RFX4: variants seen among roughly 807,000 people sequenced by gnomAD.
RFX4 encodes the protein transcription factor RFX4.
A neutral mutation model predicts 95.0 loss-of-function variants in RFX4; 10 were observed. The observed-to-expected ratio is 0.11, with a 90% CI of 0.06 to 0.18. The LOEUF is 0.18. Ranked by LOEUF, RFX4 falls within the 10% of genes least tolerant of loss-of-function variation. RFX4 has a pLI of 1.00. For synonymous variants in RFX4, 321 were observed against 340.7 expected (o/e 0.94, Z 0.64); for missense variants, 640 against 922.0 (o/e 0.69, Z 3.96).
chr12:106,587,400 G>A lies in RFX4; in HGVS notation c.43+4037G>A, dbSNP rs577664024. 1.2e-3 allele frequency among the ~76,000 whole-genome samples: 176 copies of A among 152,272 alleles called. 2 individuals carry two copies. Among genetic ancestry groups the A allele is most frequent in the Non-Finnish European group, 2.1e-3 (143 of 68,014 alleles). On this transcript the variant is annotated intron_variant, in intron 1 of 17. Transcript: ENST00000392842. ...TGCAGTTGGGGTGACTTCAGGGGGC[G>A]GGGGGACCGGAGGGCAGGAGCGGGA...
chr12:106,675,590 G>A (rs893840144), intron 4 of RFX4, among the ~76,000 whole-genome samples: 17 of 151,950 alleles, frequency 1.1e-4, no homozygotes, highest in African/African-American at 3.9e-4. Context: ...ACATCATATT[G>A]TACACCATAA....
At chr12:106,643,586 C>T (rs1316133996) in intron 3 of RFX4, among the ~76,000 whole-genome samples, 6 of 152,076 alleles carry the variant, frequency 3.9e-5, no homozygotes, top group African/African-American at 1.2e-4. Context: ...CTCCATTTTA[C>T]AAGGAAAAGT....
intron 13 of RFX4, among the ~76,000 whole-genome samples, chr12:106,727,293 T>C (rs2042520225): frequency 1.3e-5 from 2 of 152,218 alleles, no homozygotes; most frequent in South Asian, 2.1e-4. Context: ...TCAGGTATGG[T>C]TTTTAAAAAA....
chr12:106,726,246 TAAAAAAA>T (rs550366505), intron 13 of RFX4, among the ~76,000 whole-genome samples: 1 of 108,142 alleles, frequency 9.2e-6, no homozygotes, highest in East Asian at 2.4e-4. Flanking sequence ...AGACTCCATC[TAAAAAAA>T]AAAAAAAGAA....
At chr12:106,688,673 A>G (rs1181250271) in intron 6 of RFX4, among the ~76,000 whole-genome samples, 2 of 152,248 alleles carry the variant, frequency 1.3e-5, no homozygotes, top group East Asian at 1.9e-4. Context: ...CAATAAACAT[A>G]CAAATGAACT....
intron 5 of RFX4, 102 bp downstream of exon 5, chr12:106,682,156 G>C: frequency 1.7e-6 from 2 of 1,205,044 alleles, no homozygotes; most frequent in Middle Eastern, 2.0e-4. Context: ...TGCAGGCCTG[G>C]CAGAAGTCTG....
At chr12:106,654,077 C>A in intron 3 of RFX4, 151 bp from the exon 4 acceptor site, 2 of 1,041,130 alleles carry the variant, frequency 1.9e-6, no homozygotes, top group Non-Finnish European at 2.9e-6. Flanking sequence ...CCTTGGGCAG[C>A]TTGCTTTGTC....
At chr12:106,723,931 G>T (rs1483858404) in intron 13 of RFX4, among the ~76,000 whole-genome samples, 1 of 152,168 alleles carries the variant, frequency 6.6e-6, no homozygotes, top group East Asian at 1.9e-4. Flanking sequence ...CCATGCTAAA[G>T]CTGGAGTTTT....
intron 7 of RFX4, among the ~76,000 whole-genome samples, chr12:106,694,446 C>T (rs927448881): frequency 6.6e-6 from 1 of 152,138 alleles, no homozygotes; most frequent in African/African-American, 2.4e-5. Flanking sequence ...CTGAAGGATG[C>T]TGCAGGTTAC....
At chr12:106,687,561 AAAAAG>A (rs1174828737) in intron 6 of RFX4, among the ~76,000 whole-genome samples, 55 of 152,120 alleles carry the variant, frequency 3.6e-4, no homozygotes, top group African/African-American at 1.3e-3. Flanking sequence ...AAAAAAAAAA[AAAAAG>A]AAAAGAAATC....
rs1178447495 is a variant in RFX4, at chr12:106,761,710, C to G, written c.*241C>G. The G allele has an allele frequency of 5.2e-6, 1 of 192,008 alleles. No homozygotes were observed. The highest frequency in any genetic ancestry group is 1.0e-5 in the Non-Finnish European group (1 of 96,638). 11.9% of individuals were successfully genotyped at this position (192,008 alleles called of 1,614,324 possible). A position where few individuals can be genotyped will look rare whatever the true frequency, so the allele number is the denominator to read the frequency against. On this transcript the variant is annotated 3_prime_UTR_variant, in exon 18 of 18. Coordinates refer to ENST00000392842, the MANE Select transcript of RFX4 (RefSeq NM_213594.3). ...GTTTCTGTAGCCAAGCCAGACTTGA[C>G]TGTTTCTGTAGAGCACTATCTCGGG...
intron 2 of RFX4, among the ~76,000 whole-genome samples, chr12:106,626,719 T>C (rs1372821998): frequency 1.3e-5 from 2 of 152,178 alleles, no homozygotes; most frequent in African/African-American, 2.4e-5. Flanking sequence ...TTGGAGAAAC[T>C]GGGAGGATAG....
intron 15 of RFX4, among the ~76,000 whole-genome samples, chr12:106,741,272 ACT>A (rs1469832129): frequency 6.6e-6 from 1 of 151,994 alleles, no homozygotes; most frequent in Admixed American, 6.6e-5. Flanking sequence ...ACAGAGTGAG[ACT>A]CTGTCTCAAA....
intron 4 of RFX4, among the ~76,000 whole-genome samples, chr12:106,672,316 A>G (rs1413538526): frequency 6.6e-6 from 1 of 152,072 alleles, no homozygotes; most frequent in Non-Finnish European, 1.5e-5. Context: ...AGTTCTCCAG[A>G]GCTTCTCTGC....
chr12:106,750,408 C>T (rs10778507), intron 16 of RFX4, among the ~76,000 whole-genome samples: 53,531 of 146,344 alleles, frequency 0.37, 9,738 homozygotes, highest in South Asian at 0.41. Context: ...ACCCAGGAGG[C>T]GGAGGTTGCA....
At chr12:106,695,770 C>T (rs2041867136) in intron 7 of RFX4, among the ~76,000 whole-genome samples, 1 of 152,154 alleles carries the variant, frequency 6.6e-6, no homozygotes, top group South Asian at 2.1e-4. Context: ...ATCTTTGACG[C>T]ACAAATTTGA....
At chr12:106,591,815 TAAAC>T (rs1218464250) in intron 1 of RFX4, among the ~76,000 whole-genome samples, 3 of 152,216 alleles carry the variant, frequency 2.0e-5, no homozygotes, top group Non-Finnish European at 4.4e-5. Flanking sequence ...TTAGGTAACT[TAAAC>T]AATATATTGC....
Position 106,728,622 on chromosome 12 carries a change from G to A in RFX4, c.1352-3508G>A, listed in dbSNP as rs150234851. Reference sequence around the variant, plus strand: ...AGGAGATAAATAAAGTGGGATGTTCGCTGTAACTGCCTCTCTCCTCTTGTC... The same window carrying A: ...AGGAGATAAATAAAGTGGGATGTTCACTGTAACTGCCTCTCTCCTCTTGTC... On this transcript the variant is annotated intron_variant, in intron 13 of 17. Transcript: ENST00000392842. 8.3e-3 allele frequency among the ~76,000 whole-genome samples: 1,256 copies of A among 152,210 alleles called. 3 individuals carry two copies. Among genetic ancestry groups the A allele is most frequent in the South Asian group, 0.016 (75 of 4,806 alleles).
chr12:106,749,119 C>T (rs1425500481), intron 16 of RFX4, among the ~76,000 whole-genome samples: 1 of 148,078 alleles, frequency 6.8e-6, no homozygotes, highest in African/African-American at 2.5e-5. Flanking sequence ...ATTAGCTGGG[C>T]ATGGTGGGTG....
Sources: allele counts gnomAD v4.1 joint callset (sites outside exome capture counted in the v4.1 genomes callset), GRCh38; gene constraint gnomAD v4.1.1; transcripts MANE v1.5; gene names NCBI Gene and HGNC (gene_info 2026-07-23, HGNC 2026-07-21).